The following MAPT variants were observed in gnomAD, a reference collection of about 807,000 sequenced individuals.
MAPT encodes the protein microtubule associated protein tau.
In MAPT, 34 loss-of-function variants were observed where a neutral mutation model predicts 67.9. That is an observed-to-expected ratio of 0.50 (90% CI 0.38 to 0.67). MAPT has a LOEUF of 0.67. MAPT is among the 30% of genes least tolerant of loss of function. MAPT has a pLI of 0.00. For missense variants in MAPT, 881 were observed against 1,115.2 expected (o/e 0.79, Z 2.99); for synonymous variants, 456 against 464.5 (o/e 0.98, Z 0.23).
intron 8 of MAPT, among the ~76,000 whole-genome samples, chr17:45,993,662 C>T (rs2074248648): frequency 6.6e-6 from 1 of 152,254 alleles, no homozygotes; most frequent in Admixed American, 6.5e-5. Flanking sequence ...GATCCGCCCA[C>T]CTCGGCCTCC....
At chr17:46,009,118 G>A (rs1032166956) in intron 9 of MAPT, among the ~76,000 whole-genome samples, 1 of 152,106 alleles carries the variant, frequency 6.6e-6, no homozygotes. Context: ...AGAATCCCCT[G>A]AGCCCTGGGA....
intron 2 of MAPT, among the ~76,000 whole-genome samples, chr17:45,968,205 AC>A (rs1301983969): frequency 2.8e-5 from 4 of 144,200 alleles, no homozygotes; most frequent in Non-Finnish European, 4.6e-5. Context: ...AAAACAAAAA[AC>A]AACAAAAAAA....
Position 45,983,816 on chromosome 17 carries a change from CG to C in MAPT, c.1241del (p.Gly414AlafsTer66). 1 of 1,613,022 alleles carries C rather than the reference CG, an allele frequency of 6.2e-7. No homozygotes were observed. ...GGCCCCTGGAGAGGGGCCAGAGGCC[CG>C]GGGCCCCTCTTTGGGAGAGGACACA... ...PGAPGEGPEA[R>X]GPSLGEDTKE... On this transcript the variant is annotated frameshift_variant, in exon 5 of 13. Transcript: ENST00000262410. LOFTEE classifies it high-confidence loss of function.
intron 9 of MAPT, chr17:45,999,176 G>T (rs2074771638): frequency 6.8e-7 from 1 of 1,477,456 alleles, no homozygotes; most frequent in Non-Finnish European, 9.0e-7. Context: ...AAGTTCAGTT[G>T]CCATCTCCTC....
intron 12 of MAPT, among the ~76,000 whole-genome samples, chr17:46,019,565 T>C (rs1295877543): frequency 6.6e-6 from 1 of 151,926 alleles, no homozygotes; most frequent in Non-Finnish European, 1.5e-5. Context: ...GACGAGGTTT[T>C]GCCACGTTGC....
At chr17:45,974,074 A>G in intron 3 of MAPT, 2 of 431,812 alleles carry the variant, frequency 4.6e-6, no homozygotes, top group Admixed American at 3.5e-5. Context: ...GGTTTTCAGT[A>G]TTTCTTCTTT....
At position 45,985,757 on chromosome 17, in the gene MAPT, C is replaced by T. The variant is rs535679162; in HGVS notation, c.1352-1283C>T. On this transcript the variant is annotated intron_variant, in intron 5 of 12. Transcript: ENST00000262410. The stretch of plus-strand genomic sequence containing the variant: ...AAACAAAGAACACGTGAGTCAGATC[C>T]GCCTGGGGCTCTTACTAAAGTGCAG... The T allele has an allele frequency of 1.5e-4, 146 of 983,890 alleles. No homozygotes were observed. In the African/African-American group the frequency reaches 2.1e-3, roughly 14 times the overall value. The allele number at this position is 983,890 out of a possible 1,614,324, so 60.9% of individuals were successfully genotyped here. A position where few individuals can be genotyped will look rare whatever the true frequency, so the allele number is the denominator to read the frequency against.
At chr17:46,009,547 A>G (rs1416892755) in intron 9 of MAPT, among the ~76,000 whole-genome samples, 1 of 151,436 alleles carries the variant, frequency 6.6e-6, no homozygotes, top group African/African-American at 2.4e-5. Flanking sequence ...TTACGCACCT[A>G]GTGGCATTGT....
At chr17:45,939,752 C>T (rs1170467080) in intron 1 of MAPT, among the ~76,000 whole-genome samples, 1 of 152,134 alleles carries the variant, frequency 6.6e-6, no homozygotes, top group African/African-American at 2.4e-5. Context: ...AGGACCAAGT[C>T]ACAGAGCAGG....
intron 4 of MAPT, among the ~76,000 whole-genome samples, chr17:45,982,400 C>T (rs936684187): frequency 1.3e-5 from 2 of 151,918 alleles, no homozygotes; most frequent in African/African-American, 4.8e-5. Flanking sequence ...CTCGCTACAC[C>T]CAAACCAGAT....
rs1421666376 is a variant in MAPT at position 45,995,092 on chromosome 17, A to G, written c.1733-1307A>G. On this transcript the variant is annotated intron_variant, in intron 8 of 12. Coordinates refer to ENST00000262410, the MANE Select transcript of MAPT (RefSeq NM_001377265.1). This position sits in a 1 kb window ranked among gnomAD's most constrained non-coding sequence, Gnocchi z 4.3. Reference sequence around the variant, plus strand: ...AACAAAACAACAACAAAAGAAAACTAGTGCTTATTCGTCACTGGCCAAGCT... The same window carrying G: ...AACAAAACAACAACAAAAGAAAACTGGTGCTTATTCGTCACTGGCCAAGCT... Among the ~76,000 whole-genome samples, 1 of 152,116 alleles carries G rather than the reference A, an allele frequency of 6.6e-6. No homozygotes were observed. Among genetic ancestry groups the G allele is most frequent in the African/African-American group, 2.4e-5 (1 of 41,430 alleles).
rs1217634133 is a variant in MAPT at position 45,957,047 on chromosome 17, G to T, written c.-17-5274G>T. Among the ~76,000 whole-genome samples the T allele has an allele frequency of 4.0e-5, 6 of 151,884 alleles. No individual in the cohort carries two copies. In the South Asian group the frequency reaches 1.2e-3, roughly 32 times the overall value. ...AGTCTTTGCTATTGTGAATAGTGCC[G>T]CAATAAACATACGTGTGCATGTGTC... On this transcript the variant is annotated intron_variant, in intron 1 of 12. Coordinates refer to ENST00000262410, the MANE Select transcript of MAPT (RefSeq NM_001377265.1).
intron 1 of MAPT, among the ~76,000 whole-genome samples, chr17:45,923,556 C>T (rs931466080): frequency 6.6e-6 from 1 of 152,240 alleles, no homozygotes; most frequent in Non-Finnish European, 1.5e-5. Flanking sequence ...GATTCTTTCA[C>T]GTTAATGTCT....
intron 1 of MAPT, among the ~76,000 whole-genome samples, chr17:45,961,520 C>T (rs564319894): frequency 1.5e-4 from 23 of 152,286 alleles, no homozygotes; most frequent in Admixed American, 1.4e-3. Flanking sequence ...AGGACACCCC[C>T]GATGAGTCAA....
At chr17:45,927,186 C>G (rs2144597681) in intron 1 of MAPT, among the ~76,000 whole-genome samples, 1 of 152,114 alleles carries the variant, frequency 6.6e-6, no homozygotes, top group Non-Finnish European at 1.5e-5. Flanking sequence ...AGAAGGCATG[C>G]CAGTCTACCC....
Position 46,010,012 on chromosome 17 carries a change from C to T in MAPT, c.1999-298C>T, listed in dbSNP as rs1229647390. ...CTCTGGGGTTCAGGCCTCACGATGCCATCCTTTTGTGAAGTGAGGACCTGC... is the reference window on the plus strand; with the variant it reads ...CTCTGGGGTTCAGGCCTCACGATGCTATCCTTTTGTGAAGTGAGGACCTGC... On this transcript the variant is annotated intron_variant, in intron 9 of 12. Transcript: ENST00000262410. The surrounding 1 kb of genome is among the most constrained non-coding windows in gnomAD (Gnocchi z 4.7). 6.6e-6 allele frequency among the ~76,000 whole-genome samples: 1 copy of T among 152,190 alleles called. No homozygotes were observed. Among genetic ancestry groups the T allele is most frequent in the Admixed American group, 6.5e-5 (1 of 15,270 alleles).
intron 3 of MAPT, chr17:45,977,955 T>C (rs2072544923): frequency 4.9e-6 from 1 of 203,440 alleles, no homozygotes; most frequent in Non-Finnish European, 1.0e-5. Flanking sequence ...ATGAACCCCA[T>C]CTGCCTGACT....
chr17:45,944,603 G>T (rs1208543478), intron 1 of MAPT, among the ~76,000 whole-genome samples: 1 of 152,202 alleles, frequency 6.6e-6, no homozygotes, highest in African/African-American at 2.4e-5. Context: ...CGGGGTACAG[G>T]GTAGAGCGGG....
At chr17:45,956,583 TATATATA>T (rs1568230870) in intron 1 of MAPT, among the ~76,000 whole-genome samples, 11 of 26,216 alleles carry the variant, frequency 4.2e-4, no homozygotes, top group African/African-American at 1.1e-3. Flanking sequence ...TATATATATA[TATATATA>T]TATATATATA....
Sources: allele counts gnomAD v4.1 joint callset (sites outside exome capture counted in the v4.1 genomes callset), GRCh38; gene constraint gnomAD v4.1.1; non-coding constraint Gnocchi (gnomAD v3.1); transcripts MANE v1.5; gene names NCBI Gene and HGNC (gene_info 2026-07-23, HGNC 2026-07-21).